The following PKHD1 variants were observed in gnomAD, a reference collection of about 807,000 sequenced individuals.
PKHD1 encodes the protein fibrocystin.
In PKHD1, 291 loss-of-function variants were observed where a neutral mutation model predicts 412.0. The ratio of observed to expected loss-of-function variants is 0.71; its 90% CI spans 0.64 to 0.78. The LOEUF (loss-of-function observed/expected upper bound fraction) is 0.78. Ranked by LOEUF, PKHD1 falls within the 30% of genes least tolerant of loss-of-function variation. The pLI is 0.00. For missense variants in PKHD1, 4,825 were observed against 4,950.7 expected (o/e 0.97, Z 0.76); for synonymous variants, 1,777 against 1,821.5 (o/e 0.98, Z 0.62).
chr6:52,019,161 A>T (rs534897443), intron 33 of PKHD1, among the ~76,000 whole-genome samples: 2 of 152,264 alleles, frequency 1.3e-5, no homozygotes, highest in African/African-American at 4.8e-5. Context: ...AAAGAGGGAA[A>T]ATTTAAAAAA....
At chr6:51,950,210 G>GAAAAA (rs574963733) in intron 36 of PKHD1, among the ~76,000 whole-genome samples, 2,470 of 112,960 alleles carry the variant, frequency 0.022, 109 homozygotes, top group African/African-American at 0.078. Flanking sequence ...GCAATATAGA[G>GAAAAA]AAAAAAAAAA....
At chr6:51,673,812 A>T (rs193299905) in intron 60 of PKHD1, among the ~76,000 whole-genome samples, 1 of 152,350 alleles carries the variant, frequency 6.6e-6, no homozygotes, top group Non-Finnish European at 1.5e-5. Context: ...CTTTAAAAAG[A>T]GTGGAATCTT....
intron 19 of PKHD1, among the ~76,000 whole-genome samples, chr6:52,055,204 T>C (rs1807523004): frequency 6.6e-6 from 1 of 152,174 alleles, no homozygotes; most frequent in Non-Finnish European, 1.5e-5. Context: ...TTACTGTCCA[T>C]TTTACAGATG....
At chr6:51,719,149 T>TA (rs1041332172) in intron 60 of PKHD1, among the ~76,000 whole-genome samples, 5 of 152,092 alleles carry the variant, frequency 3.3e-5, no homozygotes, top group Admixed American at 6.6e-5. Flanking sequence ...TTAAAGCTTC[T>TA]AAAACAAGCA....
Position 52,017,562 on chromosome 6 carries a change from A to G in PKHD1, c.5448T>C (p.Tyr1816=), listed in dbSNP as rs1554194511. 3.7e-6 allele frequency: 6 copies of G among 1,614,002 alleles called. No individual in the cohort carries two copies. The highest frequency in any genetic ancestry group is 5.1e-6 in the Non-Finnish European group (6 of 1,179,968). Reference sequence around the variant, plus strand: ...TGGCAACTGTCAAATCACACTGCACATAGGTGTGTCTGGCAGCCTCACAGC... The same window carrying G: ...TGGCAACTGTCAAATCACACTGCACGTAGGTGTGTCTGGCAGCCTCACAGC... ...EDSCEAARHT[Y]VQCDLTVAMA... Residue 1816 remains tyrosine (Y), a synonymous_variant, in exon 34 of 67, where the codon TAT becomes TAC. Transcript: ENST00000371117.
chr6:51,821,003 A>G (rs1291566341), intron 52 of PKHD1, among the ~76,000 whole-genome samples: 1 of 152,216 alleles, frequency 6.6e-6, no homozygotes, highest in Non-Finnish European at 1.5e-5. Context: ...CCTGCTCTGC[A>G]TTAAAAACTC....
At chr6:52,065,518 C>T (rs1809556701) in intron 12 of PKHD1, among the ~76,000 whole-genome samples, 1 of 152,000 alleles carries the variant, frequency 6.6e-6, no homozygotes, top group East Asian at 1.9e-4. Flanking sequence ...CAGGACCTGG[C>T]AAAACAAAAG....
At chr6:51,913,451 C>T (rs981929086) in intron 37 of PKHD1, among the ~76,000 whole-genome samples, 1 of 152,048 alleles carries the variant, frequency 6.6e-6, no homozygotes, top group Non-Finnish European at 1.5e-5. Flanking sequence ...TCATCTGTCT[C>T]ACAGTTTATT....
chr6:51,754,018 T>C (rs1455628331), intron 56 of PKHD1, among the ~76,000 whole-genome samples: 1 of 152,212 alleles, frequency 6.6e-6, no homozygotes, highest in African/African-American at 2.4e-5. Context: ...CCTGGGAACA[T>C]TGATTTAGAC....
chr6:51,806,632 T>C (rs1763824435), intron 52 of PKHD1, among the ~76,000 whole-genome samples: 1 of 152,058 alleles, frequency 6.6e-6, no homozygotes, highest in Non-Finnish European at 1.5e-5. Flanking sequence ...AACTAGAAAA[T>C]GTATGTTCTC....
intron 52 of PKHD1, among the ~76,000 whole-genome samples, chr6:51,800,574 C>CT (rs1256697094): frequency 1.3e-5 from 2 of 152,276 alleles, no homozygotes; most frequent in South Asian, 4.1e-4. Flanking sequence ...TTTAAACTCA[C>CT]TTTTTTTCCC....
chr6:52,018,139 C>T (rs1286418978), intron 33 of PKHD1, among the ~76,000 whole-genome samples: 1 of 152,110 alleles, frequency 6.6e-6, no homozygotes, highest in African/African-American at 2.4e-5. Context: ...AATACATTTT[C>T]ACTGCTGTTC....
At chr6:51,762,987 G>A (rs9382012) in intron 55 of PKHD1, among the ~76,000 whole-genome samples, 48,499 of 151,800 alleles carry the variant, frequency 0.32, 9,594 homozygotes, top group East Asian at 0.69. Flanking sequence ...AGGTTTTAAA[G>A]AGAAAGAATT....
intron 43 of PKHD1, among the ~76,000 whole-genome samples, chr6:51,900,710 A>G (rs911915881): frequency 2.6e-5 from 4 of 151,526 alleles, no homozygotes; most frequent in Non-Finnish European, 4.4e-5. Context: ...ACAGCAAAAG[A>G]AACTACCATC....
At chr6:51,714,753 C>T (rs1781056851) in intron 60 of PKHD1, among the ~76,000 whole-genome samples, 1 of 152,052 alleles carries the variant, frequency 6.6e-6, no homozygotes, top group Admixed American at 6.5e-5. Flanking sequence ...AACTCTGGAA[C>T]CTCACTTCAG....
intron 60 of PKHD1, among the ~76,000 whole-genome samples, chr6:51,725,367 T>C (rs952452778): frequency 1.3e-5 from 2 of 152,234 alleles, no homozygotes; most frequent in African/African-American, 2.4e-5. Flanking sequence ...CAGAGAGTCA[T>C]GTGGATGCTC....
chr6:52,039,770 C>T (rs1423839718), intron 27 of PKHD1, among the ~76,000 whole-genome samples: 1 of 152,098 alleles, frequency 6.6e-6, no homozygotes, highest in Non-Finnish European at 1.5e-5. Context: ...CCCAAAAGAA[C>T]TGAAAGCATA....
intron 4 of PKHD1, among the ~76,000 whole-genome samples, chr6:52,081,800 CA>C (rs1562303555): frequency 6.6e-6 from 1 of 152,098 alleles, no homozygotes; most frequent in Non-Finnish European, 1.5e-5. Flanking sequence ...AAGGAAATAA[CA>C]GTGTTTTTTT....
At chr6:51,909,911 C>CT (rs1323887118) in intron 39 of PKHD1, among the ~76,000 whole-genome samples, 1 of 152,100 alleles carries the variant, frequency 6.6e-6, no homozygotes, top group East Asian at 1.9e-4. Context: ...GAGGTTTCCC[C>CT]ATTACTGTGC....
Sources: allele counts gnomAD v4.1 joint callset (sites outside exome capture counted in the v4.1 genomes callset), GRCh38; gene constraint gnomAD v4.1.1; transcripts MANE v1.5; gene names NCBI Gene and HGNC (gene_info 2026-07-23, HGNC 2026-07-21).